Variants in CATSPER2 observed in about 807,000 individuals in gnomAD.
CATSPER2 encodes cation channel sperm associated 2, also known as cation channel sperm-associated protein 2.
Under a neutral mutation model 68.8 loss-of-function variants are expected in CATSPER2, and 56 were observed. The ratio of observed to expected loss-of-function variants is 0.81; its 90% confidence interval spans 0.66 to 1.02. CATSPER2 has a LOEUF of 1.02. Ranked by LOEUF, CATSPER2 falls within the 50% of genes least tolerant of loss-of-function variation. The pLI, the probability that CATSPER2 is intolerant of heterozygous loss-of-function variation, is 0.00. For missense variants in CATSPER2, 582 were observed against 642.0 expected (o/e 0.91, Z 1.01); for synonymous variants, 198 against 229.9 (o/e 0.86, Z 1.26).
rs1432695739 is a variant in CATSPER2, at chr15:43,648,814, C to A, written c.-188G>T. 10 of 1,532,642 alleles carry A rather than the reference C, an allele frequency of 6.5e-6. No homozygotes were observed. In the Admixed American group the frequency reaches 2.0e-4, roughly 30 times the overall value. 94.9% of individuals were successfully genotyped at this position (1,532,642 alleles called of 1,614,324 possible). On this transcript the variant is annotated 5_prime_UTR_variant, in exon 1 of 13. The change creates a new upstream start codon in the 5' untranslated region. Coordinates refer to ENST00000396879, the MANE Select transcript of CATSPER2 (RefSeq NM_172095.4). Reference sequence around the variant, plus strand: ...TCACCCCGGGACCCGGCCCTAGCCCCTACCCACAGCCCAGGACCATGCGGA... The same window carrying A: ...TCACCCCGGGACCCGGCCCTAGCCCATACCCACAGCCCAGGACCATGCGGA...
intron 12 of CATSPER2, among the ~76,000 whole-genome samples, chr15:43,631,199 A>G (rs2085864096): frequency 6.6e-6 from 1 of 151,978 alleles, no homozygotes; most frequent in African/African-American, 2.4e-5. Flanking sequence ...CAGATAACAC[A>G]TATTAAATCA....
At chr15:43,631,895 C>G (rs1279111306) in intron 12 of CATSPER2, among the ~76,000 whole-genome samples, 1 of 151,914 alleles carries the variant, frequency 6.6e-6, no homozygotes, top group African/African-American at 2.4e-5. Flanking sequence ...CCTACCTTGT[C>G]CTAATTCCCA....
chr15:43,636,971 C>T (rs945413064), intron 7 of CATSPER2, among the ~76,000 whole-genome samples: 2 of 151,506 alleles, frequency 1.3e-5, no homozygotes, highest in East Asian at 1.9e-4. Context: ...TACAGGCATG[C>T]GCCACCATGC....
intron 7 of CATSPER2, 62 bp from the exon 8 acceptor site, chr15:43,636,281 A>G: frequency 6.3e-7 from 1 of 1,593,916 alleles, no homozygotes; most frequent in Non-Finnish European, 8.6e-7. Flanking sequence ...AAATGGTACC[A>G]TTCTTACTTT....
Position 43,636,108 on chromosome 15 carries a change from G to A in CATSPER2, c.954C>T (p.Ser318=). ...GCAACAACCAAAGGATGAAATAGATGCTGCTGAAGATGCGACTGACTTCAG... is the reference window on the plus strand; with the variant it reads ...GCAACAACCAAAGGATGAAATAGATACTGCTGAAGATGCGACTGACTTCAG... ...KVPEVSRIFS[S]IYFILWLLLG... The change falls in exon 8 of 13, where the codon AGC becomes AGT. Residue 318 remains serine, a synonymous_variant. Coordinates refer to ENST00000396879, the MANE Select transcript of CATSPER2 (RefSeq NM_172095.4). 6.3e-7 allele frequency: 1 copy of A among 1,599,662 alleles called. No individual in the cohort carries two copies. The highest frequency in any genetic ancestry group is 8.6e-7 in the Non-Finnish European group (1 of 1,169,056).
Position 43,647,123 on chromosome 15 carries a change from T to C in CATSPER2, c.320-5A>G. The C allele has an allele frequency of 1.9e-6, 3 of 1,609,388 alleles. No homozygotes were observed. Among genetic ancestry groups the C allele is most frequent in the Non-Finnish European group, 1.7e-6 (2 of 1,175,770 alleles). The stretch of plus-strand genomic sequence containing the variant: ...TGAAGTTTTTGAAGAGAGGACCTGT[T>C]GTCTCTTAAGGAAATGTACAGAGTG... On this transcript the variant is annotated splice_region_variant and splice_polypyrimidine_tract_variant and intron_variant, in intron 3 of 12. Coordinates refer to ENST00000396879, the MANE Select transcript of CATSPER2 (RefSeq NM_172095.4).
intron 11 of CATSPER2, 26 bp from the exon 12 acceptor site, chr15:43,632,389 G>T: frequency 1.2e-6 from 2 of 1,612,346 alleles, no homozygotes; most frequent in South Asian, 2.2e-5. Context: ...CTTCAGAAAA[G>T]CACGTCTAGA....
chr15:43,640,264 C>T (rs1157234568), intron 5 of CATSPER2, 60 bp downstream of exon 5: 8 of 1,595,868 alleles, frequency 5.0e-6, no homozygotes, highest in East Asian at 2.2e-5. Context: ...CTTGTTCTTT[C>T]GATTCACCTA....
At chr15:43,635,280 CA>C in intron 10 of CATSPER2, 79 bp downstream of exon 10, 2 of 1,284,430 alleles carry the variant, frequency 1.6e-6, no homozygotes, top group Non-Finnish European at 2.3e-6. Flanking sequence ...AATTATCTCT[CA>C]AAGCCAATCT....
At chr15:43,644,238 A>G (rs1397757754) in intron 4 of CATSPER2, among the ~76,000 whole-genome samples, 1 of 152,012 alleles carries the variant, frequency 6.6e-6, no homozygotes, top group African/African-American at 2.4e-5. Flanking sequence ...AAAAGTCTTA[A>G]TGTTTATCAT....
chr15:43,638,830 T>C, intron 7 of CATSPER2, 74 bp downstream of exon 7: 1 of 1,559,562 alleles, frequency 6.4e-7, no homozygotes, highest in Non-Finnish European at 8.8e-7. Flanking sequence ...TTTATATTAC[T>C]ATACTTTGGA....
chr15:43,646,799 A>G (rs2086173993), intron 4 of CATSPER2, among the ~76,000 whole-genome samples: 1 of 148,478 alleles, frequency 6.7e-6, no homozygotes, highest in Non-Finnish European at 1.5e-5. Context: ...ACTGAAACCT[A>G]CGCCTCCTGG....
intron 6 of CATSPER2, chr15:43,639,305 C>T (rs527819913): frequency 6.7e-5 from 31 of 461,340 alleles, no homozygotes; most frequent in Middle Eastern, 6.3e-4. Context: ...AGTGCAGTGG[C>T]GCAGTCTCGG....
In CATSPER2 at chr15:43,630,548, G is replaced by C; in HGVS notation, c.*153C>G. 1 of 1,521,282 alleles carries C rather than the reference G, an allele frequency of 6.6e-7. No individual in the cohort carries two copies. Among genetic ancestry groups the C allele is most frequent in the East Asian group, 2.4e-5 (1 of 41,042 alleles). 94.2% of individuals were successfully genotyped at this position (1,521,282 alleles called of 1,614,324 possible). A position where few individuals can be genotyped will look rare whatever the true frequency, so the allele number is the denominator to read the frequency against. On this transcript the variant is annotated 3_prime_UTR_variant, in exon 13 of 13. Transcript: ENST00000396879. Reference sequence around the variant, plus strand: ...TTTTTTGTATTTTTAGTAGAGACAGGGTTTCACCACGCCTGGCCTAGACAC... The same window carrying C: ...TTTTTTGTATTTTTAGTAGAGACAGCGTTTCACCACGCCTGGCCTAGACAC...
intron 6 of CATSPER2, 102 bp downstream of exon 6, chr15:43,639,541 A>G: frequency 1.3e-6 from 2 of 1,589,218 alleles, no homozygotes; most frequent in Non-Finnish European, 1.7e-6. Flanking sequence ...CTGGGATTAC[A>G]GGCGTGAGCC....
At chr15:43,645,996 A>G (rs1394738461) in intron 4 of CATSPER2, among the ~76,000 whole-genome samples, 1 of 151,982 alleles carries the variant, frequency 6.6e-6, no homozygotes, top group Non-Finnish European at 1.5e-5. Context: ...GGCTCAGCTA[A>G]TATCTTAGTT....
intron 6 of CATSPER2, 36 bp downstream of exon 6, chr15:43,639,607 C>T: frequency 6.2e-7 from 1 of 1,611,576 alleles, no homozygotes; most frequent in Non-Finnish European, 8.5e-7. Context: ...ATTTATCTAC[C>T]TTGCCCCCTG....
At chr15:43,646,492 C>A (rs997612003) in intron 4 of CATSPER2, among the ~76,000 whole-genome samples, 1 of 151,446 alleles carries the variant, frequency 6.6e-6, no homozygotes, top group Non-Finnish European at 1.5e-5. Flanking sequence ...AATTCCTGAC[C>A]TCAAGTGATT....
At chr15:43,645,524 C>T (rs547647199) in intron 4 of CATSPER2, among the ~76,000 whole-genome samples, 13 of 151,902 alleles carry the variant, frequency 8.6e-5, no homozygotes, top group South Asian at 4.2e-4. Flanking sequence ...TGGTAACTCA[C>T]GCCTGTAATC....
Sources: gnomAD v4.1 joint callset for allele counts (sites outside exome capture counted in the v4.1 genomes callset) on GRCh38, gnomAD v4.1.1 for gene constraint, MANE v1.5 for transcripts, NCBI Gene and HGNC (gene_info 2026-07-23, HGNC 2026-07-21) for gene names.